ZNF654: variants seen among roughly 807,000 people sequenced by gnomAD.
The protein encoded by ZNF654 is zinc finger protein 654.
A neutral mutation model predicts 95.3 loss-of-function variants in ZNF654; 19 were observed. The ratio of observed to expected loss-of-function variants is 0.20; its 90% CI spans 0.14 to 0.29. The LOEUF (loss-of-function observed/expected upper bound fraction) is 0.29. ZNF654 is among the 10% of genes least tolerant of loss of function. The pLI is 1.00. For synonymous variants in ZNF654, 413 were observed against 457.9 expected, an observed-to-expected ratio of 0.90 and a Z score of 1.25; for missense variants, 1,046 against 1,341.0, an observed-to-expected ratio of 0.78 and a Z score of 3.44.
chr3:88,081,399 C>T (rs1708068249), intron 1 of ZNF654, among the ~76,000 whole-genome samples: 1 of 151,478 alleles, frequency 6.6e-6, no homozygotes, highest in South Asian at 2.1e-4. Context: ...TCCTGCTTCT[C>T]CTCAAATTTT....
chr3:88,113,031 T>G, intron 2 of ZNF654, 84 bp from the exon 3 acceptor site: 1 of 853,864 alleles, frequency 1.2e-6, no homozygotes, highest in Admixed American at 3.0e-5. Flanking sequence ...AATATTGATA[T>G]TAGATAGCTG....
At chr3:88,129,960 A>G in intron 6 of ZNF654, 134 bp downstream of exon 6, 1 of 706,778 alleles carries the variant, frequency 1.4e-6, no homozygotes, top group Non-Finnish European at 2.0e-6. Context: ...TGCAAGGAAC[A>G]ATAGTAGATT....
At chr3:88,084,004 T>C (rs115401489) in intron 1 of ZNF654, among the ~76,000 whole-genome samples, 4,646 of 151,430 alleles carry the variant, frequency 0.031, 101 homozygotes, top group Non-Finnish European at 0.044. Flanking sequence ...TGAAATAGTG[T>C]TATAATGAAT....
chr3:88,094,499 A>G (rs1160609247), intron 2 of ZNF654, among the ~76,000 whole-genome samples: 1 of 152,152 alleles, frequency 6.6e-6, no homozygotes, highest in Non-Finnish European at 1.5e-5. Context: ...TTTATATCAG[A>G]ATCTAGAGGG....
At chr3:88,128,150 A>G (rs1238260764) in intron 4 of ZNF654, among the ~76,000 whole-genome samples, 1 of 152,112 alleles carries the variant, frequency 6.6e-6, no homozygotes, top group Non-Finnish European at 1.5e-5. Flanking sequence ...AATACCCATC[A>G]TAAGGTTGTT....
intron 1 of ZNF654, among the ~76,000 whole-genome samples, chr3:88,083,032 ACTC>A (rs1439636426): frequency 1.6e-5 from 2 of 126,836 alleles, no homozygotes; most frequent in Admixed American, 8.5e-5. Flanking sequence ...CCCCCTCCTC[ACTC>A]CTCCTCACTC....
chr3:88,125,219 A>G (rs543857551), intron 3 of ZNF654, among the ~76,000 whole-genome samples: 7 of 151,834 alleles, frequency 4.6e-5, no homozygotes, highest in Non-Finnish European at 8.8e-5. Flanking sequence ...CCATCTCAAA[A>G]AAAAAAACAA....
In ZNF654 at chr3:88,059,299, G is replaced by T. The variant is rs1422308252; in HGVS notation, c.-21G>T. 6.5e-7 allele frequency: 1 copy of T among 1,532,938 alleles called. No homozygotes were observed. Among genetic ancestry groups the T allele is most frequent in the Admixed American group, 2.0e-5 (1 of 50,894 alleles). 95.0% of individuals were successfully genotyped at this position (1,532,938 alleles called of 1,614,324 possible). A position where few individuals can be genotyped will look rare whatever the true frequency, so the allele number is the denominator to read the frequency against. On this transcript the variant is annotated 5_prime_UTR_variant, in exon 1 of 9. Transcript: ENST00000636215. Reference sequence around the variant, plus strand: ...GCGGCGGCGGCGCAGGGGCTGGTACGCGCTGGGCGGCGAGAGCCTCATGGC... The same window carrying T: ...GCGGCGGCGGCGCAGGGGCTGGTACTCGCTGGGCGGCGAGAGCCTCATGGC...
intron 3 of ZNF654, among the ~76,000 whole-genome samples, chr3:88,124,963 C>T (rs1706001136): frequency 6.6e-6 from 1 of 152,010 alleles, no homozygotes; most frequent in Admixed American, 6.6e-5. Context: ...CGCCTGTAAT[C>T]CCAGCACTTT....
chr3:88,115,610 TCTC>T (rs1202130696), intron 3 of ZNF654, among the ~76,000 whole-genome samples: 1 of 152,200 alleles, frequency 6.6e-6, no homozygotes, highest in Non-Finnish European at 1.5e-5. Context: ...GAATTTCTGA[TCTC>T]CTAAAATCTG....
intron 3 of ZNF654, among the ~76,000 whole-genome samples, chr3:88,114,727 T>G (rs1705287177): frequency 6.6e-6 from 1 of 152,170 alleles, no homozygotes; most frequent in Non-Finnish European, 1.5e-5. Flanking sequence ...TAGAGAAACA[T>G]CCTTCATTTG....
intron 2 of ZNF654, among the ~76,000 whole-genome samples, chr3:88,110,360 C>T (rs1368695284): frequency 1.3e-5 from 2 of 152,028 alleles, no homozygotes; most frequent in Non-Finnish European, 2.9e-5. Flanking sequence ...GTCAACTCTA[C>T]CACTGTGGTA....
chr3:88,088,738 C>CTTTA (rs1159947049), intron 2 of ZNF654, among the ~76,000 whole-genome samples: 2 of 138,586 alleles, frequency 1.4e-5, no homozygotes, highest in African/African-American at 5.3e-5. Context: ...AAAAAAAAAC[C>CTTTA]TTTATTTATG....
intron 2 of ZNF654, among the ~76,000 whole-genome samples, chr3:88,103,032 G>A (rs1704523618): frequency 6.6e-6 from 1 of 151,972 alleles, no homozygotes; most frequent in African/African-American, 2.4e-5. Context: ...TTATGTCCAT[G>A]AGTATGAAAT....
At chr3:88,112,474 A>C (rs966559849) in intron 2 of ZNF654, among the ~76,000 whole-genome samples, 1 of 151,694 alleles carries the variant, frequency 6.6e-6, no homozygotes, top group African/African-American at 2.4e-5. Flanking sequence ...AATTATTAAG[A>C]GCACATAAAG....
At chr3:88,112,301 C>G (rs1389593095) in intron 2 of ZNF654, among the ~76,000 whole-genome samples, 1 of 151,238 alleles carries the variant, frequency 6.6e-6, no homozygotes, top group Non-Finnish European at 1.5e-5. Context: ...AAAAAAACAA[C>G]TTTAGGTAGT....
chr3:88,142,170 G>C lies in ZNF654; in HGVS notation c.*518G>C, dbSNP rs1390134477. On this transcript the variant is annotated 3_prime_UTR_variant, in exon 9 of 9. Coordinates refer to ENST00000636215, the MANE Select transcript of ZNF654 (RefSeq NM_001350134.2). Reference sequence around the variant, plus strand: ...AACCGCTGCTGTTTGGTTTGTGATTGATTTAGAAACTTATACATTAACTTA... The same window carrying C: ...AACCGCTGCTGTTTGGTTTGTGATTCATTTAGAAACTTATACATTAACTTA... The C allele has an allele frequency of 1.3e-5, 2 of 152,280 alleles. No homozygotes were observed. The highest frequency in any genetic ancestry group is 2.9e-5 in the Non-Finnish European group (2 of 67,888). 9.4% of individuals were successfully genotyped at this position (152,280 alleles called of 1,614,324 possible).
chr3:88,062,029 G>A (rs1374741715), intron 1 of ZNF654, among the ~76,000 whole-genome samples: 1 of 152,130 alleles, frequency 6.6e-6, no homozygotes, highest in African/African-American at 2.4e-5. Flanking sequence ...TTCCAGAGGG[G>A]TTTTTGTGTC....
chr3:88,061,535 C>G (rs553703223), intron 1 of ZNF654, among the ~76,000 whole-genome samples: 2 of 152,218 alleles, frequency 1.3e-5, no homozygotes, highest in African/African-American at 2.4e-5. Context: ...CTCTAGGTTA[C>G]TGAGAGATCT....
Sources: gnomAD v4.1 joint callset for allele counts (sites outside exome capture counted in the v4.1 genomes callset) on GRCh38, gnomAD v4.1.1 for gene constraint, MANE v1.5 for transcripts, NCBI Gene and HGNC (gene_info 2026-07-23, HGNC 2026-07-21) for gene names.